Variants in COL23A1 observed in about 807,000 individuals in gnomAD.
The protein encoded by COL23A1 is collagen type XXIII alpha 1 chain.
Under a neutral mutation model 99.3 loss-of-function variants are expected in COL23A1, and 97 were observed. That is an observed-to-expected ratio of 0.98 (90% CI 0.83 to 1.16). The LOEUF is 1.16. COL23A1 is among the 50% of genes most tolerant of loss of function. COL23A1 has a pLI of 0.00. For synonymous variants in COL23A1, 320 were observed against 308.2 expected (o/e 1.04, Z -0.40); for missense variants, 762 against 757.4 (o/e 1.01, Z -0.07).
rs1421045912 is a variant in COL23A1, at chr5:178,384,548, C to T, written c.362-77629G>A. Among the ~76,000 whole-genome samples, 2 of 152,186 alleles carry T rather than the reference C, an allele frequency of 1.3e-5. No homozygotes were observed. Among genetic ancestry groups the T allele is most frequent in the Non-Finnish European group, 1.5e-5 (1 of 68,040 alleles). On this transcript the variant is annotated intron_variant, in intron 2 of 28. Transcript: ENST00000390654. This position sits in a 1 kb window ranked among gnomAD's most constrained non-coding sequence, Gnocchi z 5.5. ...GGCCCACCGGGCACTGTGCAGGGGC[C>T]GGCGTGCCTTACTTCCCTCCCTGCT...
intron 2 of COL23A1, among the ~76,000 whole-genome samples, chr5:178,315,828 G>A (rs1389908507): frequency 7.0e-6 from 1 of 143,358 alleles, no homozygotes; most frequent in East Asian, 2.1e-4. Context: ...ATCCTCCAGA[G>A]AAAATAAACT....
At chr5:178,353,941 A>T (rs1274979431) in intron 2 of COL23A1, among the ~76,000 whole-genome samples, 1 of 42,306 alleles carries the variant, frequency 2.4e-5, no homozygotes, top group African/African-American at 8.2e-5. Context: ...CGTTGAGTTA[A>T]AAAAAAAAAA....
chr5:178,277,252 G>A (rs901383506), intron 5 of COL23A1, among the ~76,000 whole-genome samples: 2 of 150,544 alleles, frequency 1.3e-5, no homozygotes, highest in South Asian at 2.1e-4. Flanking sequence ...TGTAGCTCCC[G>A]CTACTCAGGA....
At chr5:178,383,600 G>A (rs1763500687) in intron 2 of COL23A1, among the ~76,000 whole-genome samples, 1 of 152,248 alleles carries the variant, frequency 6.6e-6, no homozygotes, top group South Asian at 2.1e-4. Flanking sequence ...TGGGCTTGGG[G>A]TTGGAGAAGC....
intron 27 of COL23A1, among the ~76,000 whole-genome samples, chr5:178,239,894 C>G (rs894237891): frequency 3.7e-5 from 5 of 135,458 alleles, no homozygotes; most frequent in South Asian, 4.3e-4. Flanking sequence ...CTGGGTCCTG[C>G]TGAGAGCCGT....
At chr5:178,291,292 G>A (rs557194611) in intron 3 of COL23A1, among the ~76,000 whole-genome samples, 8 of 152,210 alleles carry the variant, frequency 5.3e-5, no homozygotes, top group Non-Finnish European at 1.2e-4. Flanking sequence ...AGGAGCCATG[G>A]GGGTAACTAA....
At chr5:178,486,781 G>A (rs1393059711) in intron 2 of COL23A1, among the ~76,000 whole-genome samples, 5 of 152,310 alleles carry the variant, frequency 3.3e-5, no homozygotes, top group East Asian at 1.9e-4. Flanking sequence ...GGACCAGTTG[G>A]AAGGCACACT....
chr5:178,453,844 C>T (rs1161121064), intron 2 of COL23A1, among the ~76,000 whole-genome samples: 1 of 152,196 alleles, frequency 6.6e-6, no homozygotes, highest in Non-Finnish European at 1.5e-5. Flanking sequence ...CATACTGACT[C>T]TCAAAACCTA....
In COL23A1 at chr5:178,520,057, G is replaced by GTGGA. The variant is rs572272226; in HGVS notation, c.361+40621_361+40624dup. ...GGTCAGATGATGGACAGATGCATGG[G>GTGGA]TGGATGGATGGATGGATGGATAGAT... On this transcript the variant is annotated intron_variant, in intron 2 of 28. Coordinates refer to ENST00000390654, the MANE Select transcript of COL23A1 (RefSeq NM_173465.4). Among the ~76,000 whole-genome samples, 363 of 152,140 alleles carry GTGGA rather than the reference G, an allele frequency of 2.4e-3. 2 individuals are homozygous for GTGGA. Among genetic ancestry groups the GTGGA allele is most frequent in the African/African-American group, 8.1e-3 (335 of 41,484 alleles).
At chr5:178,585,284 G>C (rs531221936) in intron 1 of COL23A1, among the ~76,000 whole-genome samples, 23 of 152,188 alleles carry the variant, frequency 1.5e-4, no homozygotes, top group African/African-American at 5.3e-4. Flanking sequence ...GGCCCCAGCA[G>C]ACACTGGGGT....
At chr5:178,290,512 C>G (rs1222830048) in intron 3 of COL23A1, 143 bp from the exon 4 acceptor site, 1 of 1,061,012 alleles carries the variant, frequency 9.4e-7, no homozygotes, top group Non-Finnish European at 1.4e-6. Flanking sequence ...ATGGCTGTTT[C>G]CTGCCACGGC....
At chr5:178,265,780 C>A (rs149801121) in intron 8 of COL23A1, 1 of 901,762 alleles carries the variant, frequency 1.1e-6, no homozygotes, top group East Asian at 1.2e-4. Context: ...ATCTGAAGAA[C>A]TACAAGGCTT....
intron 16 of COL23A1, among the ~76,000 whole-genome samples, chr5:178,253,930 G>A (rs1434111253): frequency 6.6e-6 from 1 of 151,954 alleles, no homozygotes; most frequent in East Asian, 2.0e-4. Flanking sequence ...TTGGGAGGCT[G>A]AGGTGGCAGG....
chr5:178,406,255 A>T (rs920904425), intron 2 of COL23A1, among the ~76,000 whole-genome samples: 2 of 152,184 alleles, frequency 1.3e-5, no homozygotes, highest in Admixed American at 6.5e-5. Context: ...AAATCAAAAG[A>T]TGTATATGAA....
chr5:178,478,917 G>A (rs1053528290), intron 2 of COL23A1, among the ~76,000 whole-genome samples: 1 of 152,142 alleles, frequency 6.6e-6, no homozygotes, highest in Admixed American at 6.5e-5. Context: ...CAGAATTTCT[G>A]GATTCGGGTG....
chr5:178,485,484 G>A lies in COL23A1; in HGVS notation c.361+75198C>T, dbSNP rs544251473. Among the ~76,000 whole-genome samples, 10 of 139,582 alleles carry A rather than the reference G, an allele frequency of 7.2e-5. No individual in the cohort carries two copies. The East Asian group carries it at 2.0e-3, about 28-fold the overall frequency. The allele number at this position is 139,582 out of a possible 152,430, so 91.6% of individuals were successfully genotyped here. On this transcript the variant is annotated intron_variant, in intron 2 of 28. Coordinates refer to ENST00000390654, the MANE Select transcript of COL23A1 (RefSeq NM_173465.4). Reference sequence around the variant, plus strand: ...AAGTGAGACCCTGTCTCAAAAAAAAGAAAAAAGTCCGGGTGTGGTGGCTCA... The same window carrying A: ...AAGTGAGACCCTGTCTCAAAAAAAAAAAAAAAGTCCGGGTGTGGTGGCTCA...
chr5:178,256,501 G>C, intron 14 of COL23A1, 104 bp from the exon 15 acceptor site: 1 of 1,121,700 alleles, frequency 8.9e-7, no homozygotes, highest in Non-Finnish European at 1.2e-6. Context: ...CCCAGGGCCC[G>C]AGTGCTGGAA....
intron 17 of COL23A1, among the ~76,000 whole-genome samples, chr5:178,251,740 A>C (rs1002960596): frequency 3.9e-5 from 6 of 152,050 alleles, no homozygotes; most frequent in Admixed American, 3.9e-4. Context: ...CTATAAGACA[A>C]ATGCTTGGGG....
At chr5:178,503,504 G>A (rs1361964910) in intron 2 of COL23A1, among the ~76,000 whole-genome samples, 1 of 152,174 alleles carries the variant, frequency 6.6e-6, no homozygotes, top group Non-Finnish European at 1.5e-5. Context: ...TAAAGTTAGT[G>A]ACCTTAATGT....
Sources: gnomAD v4.1 joint callset for allele counts (sites outside exome capture counted in the v4.1 genomes callset) on GRCh38, gnomAD v4.1.1 for gene constraint, Gnocchi (gnomAD v3.1) non-coding constraint, MANE v1.5 for transcripts, NCBI Gene and HGNC (gene_info 2026-07-23, HGNC 2026-07-21) for gene names.